The following AKAP11 variants were observed in gnomAD, a reference collection of about 807,000 sequenced individuals.
The protein encoded by AKAP11 is A-kinase anchoring protein 11.
Under a neutral mutation model 146.1 loss-of-function variants are expected in AKAP11, and 36 were observed. That is an observed-to-expected ratio of 0.25 (90% CI 0.19 to 0.33). The LOEUF (loss-of-function observed/expected upper bound fraction) is 0.33, where lower values mean the gene tolerates loss of function less well. Among genes scored for constraint, AKAP11 ranks in the 10% least tolerant of loss-of-function variants. The pLI, the probability that AKAP11 is intolerant of heterozygous loss-of-function variation, is 1.00. For synonymous variants in AKAP11, 780 were observed against 786.5 expected, an observed-to-expected ratio of 0.99 and a Z score of 0.14; for missense variants, 2,201 against 2,197.0, an observed-to-expected ratio of 1.00 and a Z score of -0.04.
intron 1 of AKAP11, among the ~76,000 whole-genome samples, chr13:42,277,455 T>C (rs1367134826): frequency 6.6e-6 from 1 of 152,234 alleles, no homozygotes; most frequent in African/African-American, 2.4e-5. Flanking sequence ...CTTTGTCAAC[T>C]AGACCCATGT....
intron 1 of AKAP11, among the ~76,000 whole-genome samples, chr13:42,275,177 T>C (rs1178452452): frequency 1.3e-5 from 2 of 152,250 alleles, no homozygotes; most frequent in Non-Finnish European, 2.9e-5. Flanking sequence ...CACATGGTCT[T>C]ATGTCTCTGC....
At chr13:42,314,604 A>G (rs555856569) in intron 11 of AKAP11, among the ~76,000 whole-genome samples, 60 of 152,188 alleles carry the variant, frequency 3.9e-4, no homozygotes, top group African/African-American at 1.3e-3. Flanking sequence ...ATGGCATATT[A>G]TTTTCATAAT....
rs763760438 is a variant in AKAP11, at chr13:42,300,471, A to G, written c.1725A>G (p.Ser575=). ...AFKDLQKGVS[S]CTNALYHLAI... ...AAGACTTACAGAAAGGAGTCTCTTC[A>G]TGTACCAATGCTTTGTACCACTTAG... The change falls in exon 8 of 13, where the codon TCA becomes TCG. Residue 575 remains serine (S), a synonymous_variant. Coordinates refer to ENST00000025301, the MANE Select transcript of AKAP11 (RefSeq NM_016248.4). 1.1e-5 allele frequency: 18 copies of G among 1,613,986 alleles called. No homozygotes were observed. Among genetic ancestry groups the G allele is most frequent in the South Asian group, 9.9e-5 (9 of 91,080 alleles).
chr13:42,279,715 A>G (rs1292637376), intron 1 of AKAP11, among the ~76,000 whole-genome samples: 1 of 151,746 alleles, frequency 6.6e-6, no homozygotes, highest in Non-Finnish European at 1.5e-5. Flanking sequence ...GTTATGGTTC[A>G]TATTTTTCTC....
chr13:42,312,006 C>T (rs1294882940), intron 9 of AKAP11, among the ~76,000 whole-genome samples: 1 of 152,110 alleles, frequency 6.6e-6, no homozygotes, highest in African/African-American at 2.4e-5. Context: ...TTGAAGTAAT[C>T]ACCTTTTTTT....
At chr13:42,290,286 C>G (rs1487561921) in intron 3 of AKAP11, among the ~76,000 whole-genome samples, 2 of 152,184 alleles carry the variant, frequency 1.3e-5, no homozygotes, top group African/African-American at 4.8e-5. Flanking sequence ...AGATTCAACA[C>G]AACACCTGAA....
At chr13:42,282,523 A>G (rs1447138135) in intron 1 of AKAP11, among the ~76,000 whole-genome samples, 1 of 152,116 alleles carries the variant, frequency 6.6e-6, no homozygotes, top group Non-Finnish European at 1.5e-5. Context: ...GTGAAATAGC[A>G]GGACTAAAGG....
At chr13:42,294,723 A>G (rs1959407255) in intron 4 of AKAP11, among the ~76,000 whole-genome samples, 1 of 152,160 alleles carries the variant, frequency 6.6e-6, no homozygotes, top group South Asian at 2.1e-4. Context: ...TTGTAGAAAA[A>G]TAAGAAATAC....
chr13:42,277,018 T>C (rs1207975820), intron 1 of AKAP11, among the ~76,000 whole-genome samples: 1 of 152,262 alleles, frequency 6.6e-6, no homozygotes, highest in African/African-American at 2.4e-5. Context: ...AGGGAGCATA[T>C]TCATGTTGAA....
intron 3 of AKAP11, among the ~76,000 whole-genome samples, chr13:42,290,606 A>G (rs1959198264): frequency 6.6e-6 from 1 of 152,156 alleles, no homozygotes; most frequent in Non-Finnish European, 1.5e-5. Flanking sequence ...CAGCATTTTT[A>G]GGTAAAGGAG....
chr13:42,300,929 T>C lies in AKAP11; in HGVS notation c.2183T>C (p.Val728Ala). 6.2e-7 allele frequency: 1 copy of C among 1,614,142 alleles called. No homozygotes were observed. Residue 728 changes from valine to alanine, a missense_variant, in exon 8 of 13, where the codon GTG (valine) becomes GCG (alanine). This residue lies in a region of AKAP11 where 1,867 missense variants were observed against 1,833.5 expected (regional missense o/e 1.02). Coordinates refer to ENST00000025301, the MANE Select transcript of AKAP11 (RefSeq NM_016248.4). Reference sequence around the variant, plus strand: ...GTCTCTACGGATAATATCAAGTATGTGAGTGCAGAAAGTGTAGTGCCATCG... The same window carrying C: ...GTCTCTACGGATAATATCAAGTATGCGAGTGCAGAAAGTGTAGTGCCATCG... ...VSVSTDNIKY[V>A]SAESVVPSTQ...
intron 1 of AKAP11, among the ~76,000 whole-genome samples, chr13:42,277,637 C>T (rs1250494258): frequency 6.6e-6 from 1 of 152,180 alleles, no homozygotes; most frequent in Non-Finnish European, 1.5e-5. Context: ...AGGTAAGTGG[C>T]CCTATTTTCT....
At chr13:42,281,170 CAA>C (rs770969859) in intron 1 of AKAP11, among the ~76,000 whole-genome samples, 23 of 151,938 alleles carry the variant, frequency 1.5e-4, no homozygotes, top group African/African-American at 2.4e-4. Flanking sequence ...TAAAATGAGA[CAA>C]GAGGATAAGG....
rs773992112 is a variant in AKAP11, at chr13:42,301,871, A to C, written c.3125A>C (p.Asp1042Ala). ...QKSDLKESAK[D>A]QPLKKHNLNS... ...TCTGACTTGAAGGAATCTGCTAAGG[A>C]TCAACCACTGAAAAAGCATAACTTG... Residue 1042 changes from aspartate to alanine, a missense_variant, in exon 8 of 13, where the codon GAT becomes GCT. Around this residue, in one of 3 missense-constraint regions of AKAP11, gnomAD observed 1,867 missense variants for 1,833.5 expected, o/e 1.02. Transcript: ENST00000025301. The C allele has an allele frequency of 1.9e-6, 3 of 1,614,030 alleles. No homozygotes were observed. The highest frequency in any genetic ancestry group is 2.7e-5 in the African/African-American group (2 of 74,934).
chr13:42,287,380 T>A (rs1959175610), intron 3 of AKAP11, among the ~76,000 whole-genome samples: 1 of 151,906 alleles, frequency 6.6e-6, no homozygotes, highest in Non-Finnish European at 1.5e-5. Flanking sequence ...GACTCCTGGG[T>A]TCATGCCATT....
intron 3 of AKAP11, among the ~76,000 whole-genome samples, chr13:42,287,818 G>A (rs977374473): frequency 6.6e-6 from 1 of 151,938 alleles, no homozygotes; most frequent in African/African-American, 2.4e-5. Flanking sequence ...AAATATAATA[G>A]CAAACTGATA....
chr13:42,309,584 T>C (rs1283732437), intron 9 of AKAP11, among the ~76,000 whole-genome samples: 1 of 152,210 alleles, frequency 6.6e-6, no homozygotes, highest in Non-Finnish European at 1.5e-5. Flanking sequence ...CCTGGAAATA[T>C]TAATATTTTT....
rs1166795452 is a variant in AKAP11, at chr13:42,308,437, T to C, written c.5118-17T>C. 6.4e-7 allele frequency: 1 copy of C among 1,552,624 alleles called. No homozygotes were observed. The highest frequency in any genetic ancestry group is 1.2e-5 in the South Asian group (1 of 81,534). On this transcript the variant is annotated splice_polypyrimidine_tract_variant and intron_variant, in intron 8 of 12. Coordinates refer to ENST00000025301, the MANE Select transcript of AKAP11 (RefSeq NM_016248.4). ...ATGCTTTCAATTTGATTTTTTTTCT[T>C]TTTTTCTTCTTTTTAGTTCAAAAGA...
intron 8 of AKAP11, among the ~76,000 whole-genome samples, chr13:42,305,398 CTATT>C (rs1960200333): frequency 2.0e-5 from 3 of 152,136 alleles, no homozygotes; most frequent in Admixed American, 2.0e-4. Context: ...GGAGAGGTCT[CTATT>C]TGCCCTAATC....
Sources: gnomAD v4.1 joint callset for allele counts (sites outside exome capture counted in the v4.1 genomes callset) on GRCh38, gnomAD v4.1.1 for gene constraint, gnomAD v4.1.1 regional missense constraint, MANE v1.5 for transcripts, NCBI Gene and HGNC (gene_info 2026-07-23, HGNC 2026-07-21) for gene names.